Variants in MARCHF8 observed in about 807,000 individuals in gnomAD.
MARCHF8 encodes the protein membrane associated ring-CH-type finger 8, also known as E3 ubiquitin-protein ligase MARCHF8.
MARCHF8 carries 40 observed loss-of-function variants against 51.6 expected under a neutral mutation model. The observed-to-expected ratio is 0.77, with a 90% confidence interval of 0.60 to 1.01. MARCHF8 has a LOEUF of 1.01. Among genes scored for constraint, MARCHF8 ranks in the 50% least tolerant of loss-of-function variants. The probability of loss-of-function intolerance (pLI) is 0.00; values close to 1 mark genes in which losing one functional copy is unlikely to be tolerated. For synonymous variants in MARCHF8, 263 were observed against 280.3 expected (o/e 0.94, Z 0.62); for missense variants, 685 against 708.6 (o/e 0.97, Z 0.38).
At chr10:45,470,630 G>A (rs555976903) in intron 3 of MARCHF8, among the ~76,000 whole-genome samples, 4 of 152,236 alleles carry the variant, frequency 2.6e-5, no homozygotes, top group South Asian at 2.1e-4. Flanking sequence ...TTTGGGGGCC[G>A]TTTTAGAAAT....
chr10:45,474,062 C>T (rs935275528), intron 3 of MARCHF8, among the ~76,000 whole-genome samples: 1 of 152,152 alleles, frequency 6.6e-6, no homozygotes, highest in African/African-American at 2.4e-5. Context: ...TCTCTCCATC[C>T]GTGGTATCGT....
In MARCHF8 at chr10:45,496,639, T is replaced by C. The variant is rs2043179368; in HGVS notation, c.103-7222A>G. On this transcript the variant is annotated intron_variant, in intron 2 of 7. Coordinates refer to ENST00000453424, the MANE Select transcript of MARCHF8 (RefSeq NM_001282866.2). ...AAATAAACTAATAACTGCTACAATG[T>C]ATTGTTGGGTTTGTAACATAAATAG... is the stretch of plus-strand genomic sequence containing the variant. Among the ~76,000 whole-genome samples the C allele has an allele frequency of 2.6e-5, 4 of 152,258 alleles. No homozygotes were observed. The South Asian group carries it at 8.3e-4, about 32-fold the overall frequency.
intron 1 of MARCHF8, among the ~76,000 whole-genome samples, chr10:45,564,788 A>AT (rs919844506): frequency 3.1e-4 from 47 of 149,810 alleles, no homozygotes; most frequent in African/African-American, 6.8e-4. Flanking sequence ...CGGCCAGCTG[A>AT]TTTTTTTTTT....
intron 2 of MARCHF8, among the ~76,000 whole-genome samples, chr10:45,530,885 A>T (rs966104340): frequency 6.6e-6 from 1 of 152,184 alleles, no homozygotes; most frequent in Non-Finnish European, 1.5e-5. Flanking sequence ...GAGGACTAAA[A>T]CTGTCATTAT....
intron 2 of MARCHF8, among the ~76,000 whole-genome samples, chr10:45,517,581 C>T (rs1012474589): frequency 6.6e-6 from 1 of 152,218 alleles, no homozygotes; most frequent in Non-Finnish European, 1.5e-5. Flanking sequence ...GTAAGCAGCC[C>T]AAGGCCTCAC....
At chr10:45,498,011 C>CA (rs2043205060) in intron 2 of MARCHF8, among the ~76,000 whole-genome samples, 1 of 152,158 alleles carries the variant, frequency 6.6e-6, no homozygotes, top group African/African-American at 2.4e-5. Flanking sequence ...CTAATACAAA[C>CA]ATCTACTAAA....
At chr10:45,460,485 A>G (rs1842752308) in intron 6 of MARCHF8, among the ~76,000 whole-genome samples, 2 of 152,206 alleles carry the variant, frequency 1.3e-5, no homozygotes, top group Non-Finnish European at 2.9e-5. Flanking sequence ...TTAGCATTTA[A>G]TTGGCTAGTA....
intron 2 of MARCHF8, among the ~76,000 whole-genome samples, chr10:45,512,397 G>A (rs1263720102): frequency 3.3e-5 from 5 of 149,456 alleles, no homozygotes; most frequent in African/African-American, 4.9e-5. Context: ...GAGGGAGGTC[G>A]GGGGGTCAGC....
intron 1 of MARCHF8, among the ~76,000 whole-genome samples, chr10:45,540,788 C>T (rs1480039436): frequency 3.3e-5 from 5 of 152,170 alleles, no homozygotes; most frequent in African/African-American, 9.7e-5. Flanking sequence ...CAAAAGAAGA[C>T]ATTTATGCAG....
chr10:45,467,467 G>A (rs1843006773), intron 3 of MARCHF8, among the ~76,000 whole-genome samples: 1 of 152,142 alleles, frequency 6.6e-6, no homozygotes, highest in Non-Finnish European at 1.5e-5. Context: ...AGGCAGAATG[G>A]TCAAGAAAAT....
At chr10:45,581,444 C>T (rs940615194) in intron 1 of MARCHF8, among the ~76,000 whole-genome samples, 1 of 152,164 alleles carries the variant, frequency 6.6e-6, no homozygotes, top group African/African-American at 2.4e-5. Context: ...ACACACATTA[C>T]CTCCTCACTC....
intron 2 of MARCHF8, among the ~76,000 whole-genome samples, chr10:45,515,880 G>C (rs1205259144): frequency 1.3e-5 from 2 of 152,226 alleles, no homozygotes; most frequent in Non-Finnish European, 2.9e-5. Context: ...AAAGGAACCA[G>C]TCTCTATTGA....
At chr10:45,570,963 T>A (rs2044421869) in intron 1 of MARCHF8, among the ~76,000 whole-genome samples, 1 of 152,244 alleles carries the variant, frequency 6.6e-6, no homozygotes, top group East Asian at 1.9e-4. Flanking sequence ...ACCATGTTTG[T>A]AATTCGAAAA....
chr10:45,588,368 T>C (rs186725140), intron 1 of MARCHF8, among the ~76,000 whole-genome samples: 23 of 152,308 alleles, frequency 1.5e-4, no homozygotes, highest in Admixed American at 5.9e-4. Flanking sequence ...TATGAGACGG[T>C]AGTTTTGCCT....
intron 2 of MARCHF8, among the ~76,000 whole-genome samples, chr10:45,517,464 A>T (rs1204679368): frequency 6.6e-6 from 1 of 152,126 alleles, no homozygotes; most frequent in African/African-American, 2.4e-5. Context: ...TGTCCTCATG[A>T]TAGAGTGATT....
intron 3 of MARCHF8, among the ~76,000 whole-genome samples, chr10:45,473,892 ATCTT>A (rs1211093754): frequency 2.0e-5 from 3 of 152,086 alleles, no homozygotes; most frequent in Non-Finnish European, 1.5e-5. Flanking sequence ...GTGACAAATG[ATCTT>A]TCTACTACAG....
At chr10:45,464,074 T>C in intron 4 of MARCHF8, 78 bp from the exon 5 acceptor site, 1 of 1,501,106 alleles carries the variant, frequency 6.7e-7, no homozygotes, top group Non-Finnish European at 8.9e-7. Context: ...AGTGAAGAAA[T>C]GAGACTAGCA....
chr10:45,561,679 T>C (rs2044311742), intron 1 of MARCHF8, among the ~76,000 whole-genome samples: 2 of 150,722 alleles, frequency 1.3e-5, no homozygotes, highest in African/African-American at 4.8e-5. Context: ...GGCGGGCAGA[T>C]CACAAGGTCA....
chr10:45,526,329 T>A (rs367877121), intron 2 of MARCHF8, among the ~76,000 whole-genome samples: 1 of 152,192 alleles, frequency 6.6e-6, no homozygotes, highest in African/African-American at 2.4e-5. Context: ...TTCTAGATGC[T>A]GGGAAAGGGT....
Sources: gnomAD v4.1 joint callset for allele counts (sites outside exome capture counted in the v4.1 genomes callset) on GRCh38, gnomAD v4.1.1 for gene constraint, MANE v1.5 for transcripts, NCBI Gene and HGNC (gene_info 2026-07-23, HGNC 2026-07-21) for gene names.